Variants in SSBP2 observed in about 807,000 individuals in gnomAD.
SSBP2 encodes single stranded DNA binding protein 2.
A neutral mutation model predicts 61.8 loss-of-function variants in SSBP2; 17 were observed. The observed-to-expected ratio is 0.28, with a 90% CI of 0.19 to 0.41. The LOEUF (loss-of-function observed/expected upper bound fraction) is 0.41. Among genes scored for constraint, SSBP2 ranks in the 10% least tolerant of loss-of-function variants. SSBP2 has a pLI of 1.00. For synonymous variants in SSBP2, 139 were observed against 141.3 expected, an observed-to-expected ratio of 0.98 and a Z score of 0.12; for missense variants, 310 against 458.7, an observed-to-expected ratio of 0.68 and a Z score of 2.96.
At chr5:81,583,416 T>G (rs1253903926) in intron 4 of SSBP2, among the ~76,000 whole-genome samples, 5 of 151,866 alleles carry the variant, frequency 3.3e-5, no homozygotes, top group African/African-American at 7.3e-5. Context: ...GATCACAAGG[T>G]CAGGAGATTG....
At position 81,491,144 on chromosome 5, in the gene SSBP2, T is replaced by C. The variant is rs1382171079; in HGVS notation, c.373-1835A>G. ...TTCTGGACTAATTTAAAAAATTTAA[T>C]AAATATTGTGTCATTGGTTTTATAA... On this transcript the variant is annotated intron_variant, in intron 5 of 16. Transcript: ENST00000320672. Among the ~76,000 whole-genome samples, 4 of 152,350 alleles carry C rather than the reference T, an allele frequency of 2.6e-5. No individual in the cohort carries two copies. The East Asian group carries it at 7.7e-4, about 29-fold the overall frequency.
intron 4 of SSBP2, among the ~76,000 whole-genome samples, chr5:81,550,332 C>T (rs1371956721): frequency 6.6e-6 from 1 of 152,102 alleles, no homozygotes; most frequent in Non-Finnish European, 1.5e-5. Context: ...CCTTGAGGGC[C>T]ACAATCCTAT....
At chr5:81,437,647 G>A (rs1319137743) in intron 14 of SSBP2, 189 bp from the exon 15 acceptor site, 2 of 408,944 alleles carry the variant, frequency 4.9e-6, no homozygotes, top group Non-Finnish European at 4.4e-6. Context: ...GATGGAAAAT[G>A]CAAGGAGTTC....
chr5:81,582,624 T>C (rs1432559008), intron 4 of SSBP2, among the ~76,000 whole-genome samples: 2 of 152,172 alleles, frequency 1.3e-5, no homozygotes, highest in African/African-American at 4.8e-5. Flanking sequence ...GACGGAGTCT[T>C]GCTGCATCAC....
intron 16 of SSBP2, among the ~76,000 whole-genome samples, chr5:81,426,847 G>A (rs1457563853): frequency 6.6e-6 from 1 of 152,306 alleles, no homozygotes; most frequent in Non-Finnish European, 1.5e-5. Context: ...TGAAAGTCAT[G>A]TGGAAGCTTT....
chr5:81,580,463 G>GT (rs1379635715), intron 4 of SSBP2, among the ~76,000 whole-genome samples: 2 of 151,900 alleles, frequency 1.3e-5, no homozygotes, highest in Non-Finnish European at 1.5e-5. Flanking sequence ...AATAATACTG[G>GT]TTTTCTATGT....
At chr5:81,559,969 T>C (rs1439351248) in intron 4 of SSBP2, among the ~76,000 whole-genome samples, 3 of 152,160 alleles carry the variant, frequency 2.0e-5, no homozygotes, top group African/African-American at 7.2e-5. Context: ...ACTGAGTAAA[T>C]ACATAATTTC....
At chr5:81,727,610 C>A (rs1042566458) in intron 1 of SSBP2, among the ~76,000 whole-genome samples, 1 of 152,054 alleles carries the variant, frequency 6.6e-6, no homozygotes, top group African/African-American at 2.4e-5. Context: ...GGCACTAATG[C>A]ATTAAAATCA....
intron 2 of SSBP2, among the ~76,000 whole-genome samples, chr5:81,646,947 G>A (rs148986983): frequency 6.6e-6 from 1 of 151,824 alleles, no homozygotes; most frequent in Non-Finnish European, 1.5e-5. Context: ...ATGGTATACA[G>A]GAAAACCCAA....
chr5:81,600,484 C>T (rs1265879688), intron 4 of SSBP2, among the ~76,000 whole-genome samples: 1 of 150,446 alleles, frequency 6.6e-6, no homozygotes, highest in Non-Finnish European at 1.5e-5. Context: ...ATCACTTGAA[C>T]CCAGGAGGTG....
At chr5:81,577,116 T>C (rs754374965) in intron 4 of SSBP2, among the ~76,000 whole-genome samples, 11 of 152,090 alleles carry the variant, frequency 7.2e-5, no homozygotes, top group Non-Finnish European at 1.6e-4. Context: ...TTTTTATATG[T>C]TTACATGTAT....
chr5:81,428,775 A>G (rs1474173005), intron 15 of SSBP2, 92 bp from the exon 16 acceptor site: 39 of 809,600 alleles, frequency 4.8e-5, no homozygotes, highest in Non-Finnish European at 7.3e-5. Context: ...AGCATCCCTA[A>G]GGACAAAGCA....
intron 9 of SSBP2, among the ~76,000 whole-genome samples, 171 bp downstream of exon 9, chr5:81,466,803 A>C (rs1764920321): frequency 6.6e-6 from 1 of 152,074 alleles, no homozygotes. Context: ...GCTCTTGTTT[A>C]GTTCATTTTT....
intron 3 of SSBP2, among the ~76,000 whole-genome samples, chr5:81,617,998 A>C (rs1369172807): frequency 7.5e-6 from 1 of 133,590 alleles, no homozygotes; most frequent in Non-Finnish European, 1.7e-5. Context: ...CTGCAAAATC[A>C]TGCCAAAATG....
At chr5:81,522,463 T>C (rs1769565381) in intron 4 of SSBP2, among the ~76,000 whole-genome samples, 1 of 152,030 alleles carries the variant, frequency 6.6e-6, no homozygotes, top group Non-Finnish European at 1.5e-5. Flanking sequence ...GATTGTTTAC[T>C]CACACACACA....
chr5:81,589,915 G>C (rs1236723652), intron 4 of SSBP2, among the ~76,000 whole-genome samples: 1 of 152,042 alleles, frequency 6.6e-6, no homozygotes, highest in Non-Finnish European at 1.5e-5. Context: ...CCCCCTTTAT[G>C]ATTAGCATTA....
chr5:81,702,572 C>A (rs982097534), intron 1 of SSBP2, among the ~76,000 whole-genome samples: 34 of 152,028 alleles, frequency 2.2e-4, no homozygotes, highest in African/African-American at 8.0e-4. Flanking sequence ...TGAAAAAATG[C>A]AGGAATGCTA....
chr5:81,685,745 T>A (rs1337206341), intron 1 of SSBP2, among the ~76,000 whole-genome samples: 1 of 152,180 alleles, frequency 6.6e-6, no homozygotes, highest in East Asian at 1.9e-4. Context: ...GATGGGGTTC[T>A]AGATACCTAA....
chr5:81,572,377 A>C (rs567568564), intron 4 of SSBP2, among the ~76,000 whole-genome samples: 2 of 152,302 alleles, frequency 1.3e-5, no homozygotes, highest in Admixed American at 1.3e-4. Context: ...CAATTCTCTT[A>C]TAAGATGTGC....
Sources: allele counts gnomAD v4.1 joint callset (sites outside exome capture counted in the v4.1 genomes callset), GRCh38; gene constraint gnomAD v4.1.1; transcripts MANE v1.5; gene names NCBI Gene and HGNC (gene_info 2026-07-23, HGNC 2026-07-21).